Variants in NOL10 observed in about 807,000 individuals in gnomAD.
NOL10 encodes the protein H_NH0074G24.1.
NOL10 carries 58 observed loss-of-function variants against 103.5 expected under a neutral mutation model. The observed-to-expected ratio is 0.56, with a 90% CI of 0.45 to 0.70. The LOEUF is 0.70. Among genes scored for constraint, NOL10 ranks in the 30% least tolerant of loss-of-function variants. The probability of loss-of-function intolerance (pLI) is 0.00; values close to 1 mark genes in which losing one functional copy is unlikely to be tolerated. For missense variants in NOL10, 763 were observed against 807.3 expected, an observed-to-expected ratio of 0.95 and a Z score of 0.67; for synonymous variants, 287 against 282.5, an observed-to-expected ratio of 1.02 and a Z score of -0.16.
At chr2:10,655,813 C>T (rs1281265898) in intron 11 of NOL10, among the ~76,000 whole-genome samples, 2 of 152,160 alleles carry the variant, frequency 1.3e-5, no homozygotes, top group Non-Finnish European at 2.9e-5. Context: ...GGACTAAGTG[C>T]CCACGGCGAA....
chr2:10,573,655 CAAA>C (rs561312921), intron 20 of NOL10, among the ~76,000 whole-genome samples: 30 of 124,780 alleles, frequency 2.4e-4, no homozygotes, highest in African/African-American at 7.0e-4. Context: ...TTTGTAATGT[CAAA>C]AAAAAAAAAA....
At chr2:10,663,333 C>T (rs1295396479) in intron 8 of NOL10, among the ~76,000 whole-genome samples, 1 of 144,826 alleles carries the variant, frequency 6.9e-6, no homozygotes, top group East Asian at 2.1e-4. Context: ...TGCCACTGCA[C>T]ACCAGTCTGA....
intron 20 of NOL10, among the ~76,000 whole-genome samples, chr2:10,575,834 T>C (rs9973566): frequency 0.55 from 84,025 of 151,916 alleles, 25,120 homozygotes; most frequent in Non-Finnish European, 0.7. Context: ...TCAACGAATG[T>C]TTCCAGGTAT....
chr2:10,676,791 T>A (rs1335914094), intron 3 of NOL10, among the ~76,000 whole-genome samples: 1 of 150,934 alleles, frequency 6.6e-6, no homozygotes, highest in Non-Finnish European at 1.5e-5. Context: ...GTGCAGGCCA[T>A]GATGCCCAGC....
intron 13 of NOL10, among the ~76,000 whole-genome samples, chr2:10,636,113 C>G (rs1457649774): frequency 6.6e-6 from 1 of 152,128 alleles, no homozygotes; most frequent in Non-Finnish European, 1.5e-5. Flanking sequence ...GTCTCAAGCT[C>G]TTGGCCTCAA....
intron 12 of NOL10, among the ~76,000 whole-genome samples, chr2:10,650,487 G>C (rs1353594805): frequency 6.6e-6 from 1 of 152,140 alleles, no homozygotes; most frequent in Non-Finnish European, 1.5e-5. Flanking sequence ...CATTAAATAA[G>C]TGTTTTGGGC....
intron 14 of NOL10, among the ~76,000 whole-genome samples, chr2:10,606,003 T>C (rs1482915360): frequency 1.3e-5 from 2 of 152,196 alleles, no homozygotes; most frequent in Non-Finnish European, 1.5e-5. Flanking sequence ...TTGTATAAAA[T>C]GGATCCTCTA....
At chr2:10,669,194 A>AT (rs1680750854) in intron 6 of NOL10, among the ~76,000 whole-genome samples, 1 of 151,366 alleles carries the variant, frequency 6.6e-6, no homozygotes, top group East Asian at 2.0e-4. Flanking sequence ...CACCCGGCTA[A>AT]TTTTTTGTAT....
At chr2:10,654,673 C>A in intron 11 of NOL10, 126 bp from the exon 12 acceptor site, 1 of 503,166 alleles carries the variant, frequency 2.0e-6, no homozygotes, top group Non-Finnish European at 3.5e-6. Flanking sequence ...ACTTCAAATA[C>A]AAAATTTAAA....
At chr2:10,679,448 C>T (rs956428422) in intron 3 of NOL10, among the ~76,000 whole-genome samples, 33 of 152,064 alleles carry the variant, frequency 2.2e-4, no homozygotes, top group Admixed American at 4.6e-4. Context: ...AGGAGGATGG[C>T]TTGAGCCCAT....
At chr2:10,688,218 G>T (rs1296611759) in intron 1 of NOL10, among the ~76,000 whole-genome samples, 1 of 152,114 alleles carries the variant, frequency 6.6e-6, no homozygotes, top group Middle Eastern at 3.2e-3. Context: ...CGCTCACCTG[G>T]ACTACCTAAT....
intron 13 of NOL10, among the ~76,000 whole-genome samples, chr2:10,630,478 T>C (rs987105193): frequency 1.3e-5 from 2 of 152,114 alleles, no homozygotes; most frequent in Non-Finnish European, 2.9e-5. Flanking sequence ...TTTGGGAGGC[T>C]GAGGCGGGCG....
chr2:10,634,026 C>A (rs1490150634), intron 13 of NOL10, among the ~76,000 whole-genome samples: 2 of 152,016 alleles, frequency 1.3e-5, no homozygotes, highest in Non-Finnish European at 2.9e-5. Flanking sequence ...TGGGGTCTCA[C>A]TATGTTGCCC....
intron 16 of NOL10, among the ~76,000 whole-genome samples, chr2:10,602,330 T>A (rs1305629860): frequency 1.3e-5 from 2 of 152,226 alleles, no homozygotes; most frequent in African/African-American, 4.8e-5. Context: ...ACCAAGTTAA[T>A]CATTCTTTAC....
At chr2:10,586,626 C>T (rs547823616) in intron 19 of NOL10, among the ~76,000 whole-genome samples, 1 of 152,226 alleles carries the variant, frequency 6.6e-6, no homozygotes, top group East Asian at 1.9e-4. Flanking sequence ...CCACTTCCTC[C>T]TCTTCTGACT....
chr2:10,657,018 T>C (rs1254069445), intron 11 of NOL10, among the ~76,000 whole-genome samples: 3 of 152,032 alleles, frequency 2.0e-5, no homozygotes, highest in African/African-American at 2.4e-5. Context: ...AAAATATTCT[T>C]AAGAAATATA....
At chr2:10,592,692 A>G (rs535142512) in intron 17 of NOL10, among the ~76,000 whole-genome samples, 2 of 152,364 alleles carry the variant, frequency 1.3e-5, no homozygotes, top group African/African-American at 4.8e-5. Context: ...AAAATGTTAC[A>G]AAGACTACAT....
intron 8 of NOL10, among the ~76,000 whole-genome samples, 153 bp downstream of exon 8, chr2:10,667,065 T>C (rs897730413): frequency 7.2e-5 from 11 of 152,214 alleles, no homozygotes; most frequent in African/African-American, 2.4e-4. Context: ...TGTACATTCA[T>C]CTCAATATTT....
chr2:10,606,912 A>C (rs1331366054), intron 14 of NOL10, among the ~76,000 whole-genome samples: 2 of 152,208 alleles, frequency 1.3e-5, no homozygotes, highest in African/African-American at 4.8e-5. Flanking sequence ...TTTTTCCTCT[A>C]TAATAGCTAG....
Sources: gnomAD v4.1 joint callset for allele counts (sites outside exome capture counted in the v4.1 genomes callset) on GRCh38, gnomAD v4.1.1 for gene constraint, MANE v1.5 for transcripts, NCBI Gene and HGNC (gene_info 2026-07-23, HGNC 2026-07-21) for gene names.